Variants in NTN1 observed in about 807,000 individuals in gnomAD.
NTN1 encodes netrin-1.
Under a neutral mutation model 54.2 loss-of-function variants are expected in NTN1, and 11 were observed. The ratio of observed to expected loss-of-function variants is 0.20; its 90% CI spans 0.13 to 0.34. The LOEUF is 0.34. NTN1 is among the 10% of genes least tolerant of loss of function. The pLI is 1.00. For synonymous variants in NTN1, 371 were observed against 382.0 expected, an observed-to-expected ratio of 0.97 and a Z score of 0.33; for missense variants, 740 against 893.1, an observed-to-expected ratio of 0.83 and a Z score of 2.18.
chr17:9,216,909 G>A (rs182240433), intron 5 of NTN1, among the ~76,000 whole-genome samples: 360 of 152,250 alleles, frequency 2.4e-3, no homozygotes, highest in Non-Finnish European at 4.1e-3. Context: ...GGACGAGCTG[G>A]TGTGTGCCTA....
chr17:9,145,044 C>CT (rs1361962059), intron 2 of NTN1, among the ~76,000 whole-genome samples: 1 of 152,212 alleles, frequency 6.6e-6, no homozygotes, highest in Non-Finnish European at 1.5e-5. Flanking sequence ...AGTGCGCCAC[C>CT]CCCCGAGGCT....
chr17:9,023,196 G>A lies in NTN1; in HGVS notation c.823G>A (p.Ala275Thr), dbSNP rs767898852. 1.3e-6 allele frequency: 2 copies of A among 1,563,820 alleles called. No homozygotes were observed. Among genetic ancestry groups the A allele is most frequent in the African/African-American group, 2.7e-5 (2 of 73,876 alleles). ...SELARDSYFY[A>T]VSDLQVGGRC... is the part of the protein sequence containing the mutation. ...GCTGGCGCGCGACTCGTACTTCTAC[G>A]CGGTGTCCGACCTGCAGGTGGGCGG... The change falls in exon 2 of 7, where the codon GCG (alanine) becomes ACG (threonine). Residue 275 changes from alanine to threonine, a missense_variant. Ala to Thr is a moderately conservative substitution (Grantham distance 58, BLOSUM62 0). Coordinates refer to ENST00000173229, the MANE Select transcript of NTN1 (RefSeq NM_004822.3).
chr17:9,144,700 A>C (rs900422554), intron 2 of NTN1, among the ~76,000 whole-genome samples: 1 of 152,252 alleles, frequency 6.6e-6, no homozygotes, highest in African/African-American at 2.4e-5. Flanking sequence ...AGGCTGGAAC[A>C]GGCCCCCTCT....
chr17:9,149,931 G>A (rs2092322619), intron 2 of NTN1, among the ~76,000 whole-genome samples: 1 of 150,190 alleles, frequency 6.7e-6, no homozygotes, highest in African/African-American at 2.5e-5. Context: ...GCCAGGCATG[G>A]TGGCGCACAC....
intron 2 of NTN1, among the ~76,000 whole-genome samples, chr17:9,027,482 T>A (rs1231709632): frequency 6.6e-6 from 1 of 152,154 alleles, no homozygotes; most frequent in Non-Finnish European, 1.5e-5. Flanking sequence ...TGTTTTGTTG[T>A]ATCCACTGTG....
chr17:9,053,494 A>G (rs936329348), intron 2 of NTN1, among the ~76,000 whole-genome samples: 1 of 152,250 alleles, frequency 6.6e-6, no homozygotes, highest in Non-Finnish European at 1.5e-5. Context: ...CAGAAGTTCT[A>G]TCTAAAGCAG....
chr17:9,068,563 C>T (rs1008154236), intron 2 of NTN1, among the ~76,000 whole-genome samples: 3 of 150,234 alleles, frequency 2.0e-5, no homozygotes, highest in Non-Finnish European at 4.4e-5. Context: ...GGCTGGAGTG[C>T]AATGGTGCGA....
intron 2 of NTN1, among the ~76,000 whole-genome samples, chr17:9,098,322 A>C (rs2092138832): frequency 6.6e-6 from 1 of 152,240 alleles, no homozygotes; most frequent in Non-Finnish European, 1.5e-5. Flanking sequence ...GGTCTCCAGC[A>C]GTGCCTGCAG....
intron 2 of NTN1, among the ~76,000 whole-genome samples, chr17:9,067,514 G>A (rs1235148917): frequency 1.3e-5 from 2 of 152,120 alleles, no homozygotes; most frequent in Non-Finnish European, 2.9e-5. Context: ...AAATGCACCC[G>A]GGATACATTA....
chr17:9,192,272 G>A (rs763706889), intron 5 of NTN1, among the ~76,000 whole-genome samples: 16 of 152,184 alleles, frequency 1.1e-4, no homozygotes, highest in Non-Finnish European at 2.1e-4. Context: ...CACAACCTAC[G>A]TGTCTTTGAG....
chr17:9,115,535 G>A (rs1001770277), intron 2 of NTN1, among the ~76,000 whole-genome samples: 1 of 152,224 alleles, frequency 6.6e-6, no homozygotes, highest in African/African-American at 2.4e-5. Context: ...ATCTGGAGAG[G>A]GATTTGATAA....
chr17:9,200,400 T>A (rs886608222), intron 5 of NTN1, among the ~76,000 whole-genome samples: 1 of 152,214 alleles, frequency 6.6e-6, no homozygotes, highest in Non-Finnish European at 1.5e-5. Flanking sequence ...AGGATAACTC[T>A]GCCCGCCGAG....
chr17:9,108,891 T>C (rs2092179129), intron 2 of NTN1, among the ~76,000 whole-genome samples: 1 of 152,222 alleles, frequency 6.6e-6, no homozygotes, highest in Non-Finnish European at 1.5e-5. Context: ...TTCTTTCTTT[T>C]TTTGAGACAG....
intron 2 of NTN1, among the ~76,000 whole-genome samples, chr17:9,144,881 C>A (rs2092308793): frequency 6.6e-6 from 1 of 152,200 alleles, no homozygotes; most frequent in African/African-American, 2.4e-5. Context: ...AGTGTCCCTG[C>A]CTCCTCGAGG....
At chr17:9,012,539 A>AAC in the NTN1 span, among the ~76,000 whole-genome samples, 188 of 134,364 alleles carry the variant, frequency 1.4e-3, 1 homozygote, top group South Asian at 4.2e-3. Flanking sequence ...AACAAAACAA[A>AAC]AAAAAAAAAA....
chr17:9,161,089 C>T (rs2092355556), intron 2 of NTN1, among the ~76,000 whole-genome samples: 1 of 152,176 alleles, frequency 6.6e-6, no homozygotes, highest in Admixed American at 6.5e-5. Flanking sequence ...CTGGAGTAAC[C>T]CTGGGGTTGG....
chr17:9,147,077 C>T (rs191887180), intron 2 of NTN1, among the ~76,000 whole-genome samples: 3 of 152,268 alleles, frequency 2.0e-5, no homozygotes, highest in Admixed American at 6.5e-5. Flanking sequence ...TGGCTTTCCC[C>T]AGGCTGTTTT....
At chr17:9,168,694 CA>C (rs527432643) in intron 3 of NTN1, among the ~76,000 whole-genome samples, 94 of 152,322 alleles carry the variant, frequency 6.2e-4, no homozygotes, top group African/African-American at 2.2e-3. Flanking sequence ...TTATTCACAG[CA>C]AAGCAAAGTT....
At chr17:9,180,707 C>T (rs902051887) in intron 4 of NTN1, among the ~76,000 whole-genome samples, 1 of 152,316 alleles carries the variant, frequency 6.6e-6, no homozygotes, top group African/African-American at 2.4e-5. Context: ...GCAGGGCTTC[C>T]ATGCACGGCA....
Sources: gnomAD v4.1 joint callset for allele counts (sites outside exome capture counted in the v4.1 genomes callset) on GRCh38, gnomAD v4.1.1 for gene constraint, MANE v1.5 for transcripts, NCBI Gene and HGNC (gene_info 2026-07-23, HGNC 2026-07-21) for gene names.